NMNAT1: variants seen among roughly 807,000 people sequenced by gnomAD.
The protein encoded by NMNAT1 is nicotinamide nucleotide adenylyltransferase 1.
In NMNAT1, 11 loss-of-function variants were observed where a neutral mutation model predicts 16.7. The observed-to-expected ratio is 0.66, with a 90% CI of 0.41 to 1.09. NMNAT1 has a LOEUF of 1.09. NMNAT1 is among the 50% of genes least tolerant of loss of function. The pLI is 0.00. For synonymous variants in NMNAT1, 110 were observed against 119.8 expected, an observed-to-expected ratio of 0.92 and a Z score of 0.53; for missense variants, 280 against 332.3, an observed-to-expected ratio of 0.84 and a Z score of 1.22.
At chr1:9,987,314 G>A (rs539014879), downstream of NMNAT1, among the ~76,000 whole-genome samples, 46 of 152,208 alleles carry the variant, frequency 3.0e-4, no homozygotes, top group Non-Finnish European at 5.4e-4. Flanking sequence ...GAGCAACAGA[G>A]TGAGACCCTG....
the NMNAT1 span, among the ~76,000 whole-genome samples, chr1:9,992,904 T>G: frequency 6.6e-6 from 1 of 151,328 alleles, no homozygotes; most frequent in African/African-American, 2.4e-5. Flanking sequence ...AAAGCGAGAC[T>G]TGGTCTCAAA....
intron 1 of NMNAT1, among the ~76,000 whole-genome samples, chr1:9,955,403 CAAAAAAAAAAA>C: frequency 1.1e-5 from 1 of 90,814 alleles, no homozygotes; most frequent in South Asian, 4.0e-4. Flanking sequence ...GACTTTGTCT[CAAAAAAAAAAA>C]AAAAAAAAGA....
chr1:9,953,737 G>A (rs1353766883), intron 1 of NMNAT1, among the ~76,000 whole-genome samples: 2 of 149,374 alleles, frequency 1.3e-5, no homozygotes, highest in Non-Finnish European at 3.0e-5. Flanking sequence ...CACCACACCC[G>A]GCCCTATTTT....
At chr1:9,989,968 G>A (rs140343494), downstream of NMNAT1, among the ~76,000 whole-genome samples, 14 of 152,276 alleles carry the variant, frequency 9.2e-5, no homozygotes, top group East Asian at 1.9e-3. Flanking sequence ...TCCTGCACCC[G>A]CTCACCTGCA....
rs1189454605 is a variant in NMNAT1, at chr1:9,982,532, C to T, written c.671C>T (p.Thr224Ile). 8 of 1,614,030 alleles carry T rather than the reference C, an allele frequency of 5.0e-6. No individual in the cohort carries two copies. ...TGGATCGCTAATGACATCTCATCCA[C>T]AAAAATCCGGAGAGCCCTCAGAAGG... ...NEWIANDISS[T>I]KIRRALRRGQ... is the part of the protein sequence containing the mutation. The change falls in exon 5 of 5, where the codon ACA (threonine) becomes ATA (isoleucine). Residue 224 changes from threonine to isoleucine, a missense_variant. Thr to Ile is a moderately conservative substitution (Grantham distance 89, BLOSUM62 -1). Transcript: ENST00000377205.
intron 1 of NMNAT1, among the ~76,000 whole-genome samples, chr1:9,943,891 A>G (rs919981525): frequency 3.3e-5 from 5 of 152,100 alleles, no homozygotes; most frequent in African/African-American, 1.2e-4. Context: ...GACTACATCT[A>G]CTTTGCTGGA....
chr1:9,971,858 T>C (rs1019528916), intron 1 of NMNAT1, among the ~76,000 whole-genome samples, 160 bp from the exon 2 acceptor site: 2 of 152,040 alleles, frequency 1.3e-5, no homozygotes, highest in Non-Finnish European at 1.5e-5. Context: ...TGTTCCCAGC[T>C]ACTTGAGAGG....
At chr1:9,947,288 G>A (rs1382506994) in intron 1 of NMNAT1, 1 of 152,072 alleles carries the variant, frequency 6.6e-6, no homozygotes, top group Non-Finnish European at 1.5e-5. Flanking sequence ...CCTAGACTTA[G>A]GTGATCCTCC....
chr1:9,967,241 A>G (rs1252952221), intron 1 of NMNAT1: 4 of 152,444 alleles, frequency 2.6e-5, no homozygotes, highest in African/African-American at 9.7e-5. Flanking sequence ...CCCCGCAAAA[A>G]AAAAATTATT....
intron 1 of NMNAT1, among the ~76,000 whole-genome samples, chr1:9,961,954 G>C (rs923374504): frequency 3.9e-5 from 6 of 151,914 alleles, no homozygotes; most frequent in African/African-American, 1.4e-4. Flanking sequence ...TTTTAGTAGA[G>C]ACGGGGTTTC....
At chr1:9,962,563 C>A (rs1641442891) in intron 1 of NMNAT1, among the ~76,000 whole-genome samples, 1 of 151,574 alleles carries the variant, frequency 6.6e-6, no homozygotes, top group East Asian at 1.9e-4. Flanking sequence ...TGTTTATCCT[C>A]AGAATTAATC....
At chr1:9,975,377 C>T (rs1570708381) in intron 2 of NMNAT1, among the ~76,000 whole-genome samples, 1 of 151,986 alleles carries the variant, frequency 6.6e-6, no homozygotes, top group Non-Finnish European at 1.5e-5. Context: ...GGCATGCGCC[C>T]GTAATCCCAG....
intron 3 of NMNAT1, among the ~76,000 whole-genome samples, chr1:9,980,464 CA>C (rs70998337): frequency 0.96 from 143,684 of 149,034 alleles, 69,482 homozygotes; most frequent in East Asian, 1. Context: ...ACTAAAAATA[CA>C]AAAAAAAATT....
chr1:9,989,760 C>T (rs1036820816), downstream of NMNAT1, among the ~76,000 whole-genome samples: 1 of 152,202 alleles, frequency 6.6e-6, no homozygotes, highest in African/African-American at 2.4e-5. Flanking sequence ...AACTTGGGTA[C>T]CACAAGTGCG....
At chr1:9,988,036 C>T (rs967204470), downstream of NMNAT1, among the ~76,000 whole-genome samples, 1 of 151,974 alleles carries the variant, frequency 6.6e-6, no homozygotes, top group Admixed American at 6.6e-5. Context: ...CTTGTTCTGT[C>T]ACCCAGGCTG....
At chr1:9,972,335 C>A in intron 2 of NMNAT1, 147 bp downstream of exon 2, 2 of 577,328 alleles carry the variant, frequency 3.5e-6, no homozygotes, top group East Asian at 2.8e-5. Flanking sequence ...ATGGTAAAAC[C>A]CTGTCTCTAC....
intron 1 of NMNAT1, among the ~76,000 whole-genome samples, chr1:9,953,321 G>C (rs1302004913): frequency 6.7e-6 from 1 of 149,176 alleles, no homozygotes; most frequent in African/African-American, 2.5e-5. Context: ...TCTGTTGCCA[G>C]GCTGGAGTAC....
chr1:9,977,204 G>C (rs1641835549), intron 3 of NMNAT1, among the ~76,000 whole-genome samples: 1 of 152,106 alleles, frequency 6.6e-6, no homozygotes, highest in South Asian at 2.1e-4. Context: ...CACCGCACCT[G>C]GCTGACACCT....
chr1:9,958,714 A>C lies in NMNAT1; in HGVS notation c.-56-13304A>C, dbSNP rs1177939608. ...CTGTCTCCCAAAGTACTGGGATTAG[A>C]GGTGTGAGCCACTGCTCCCAGCCTG... On this transcript the variant is annotated intron_variant, in intron 1 of 4. Coordinates refer to ENST00000377205, the MANE Select transcript of NMNAT1 (RefSeq NM_022787.4). Among the ~76,000 whole-genome samples the C allele has an allele frequency of 3.3e-5, 5 of 152,116 alleles. No homozygotes were observed. The East Asian group carries it at 9.6e-4, about 29-fold the overall frequency.
Sources: allele counts gnomAD v4.1 joint callset (sites outside exome capture counted in the v4.1 genomes callset), GRCh38; gene constraint gnomAD v4.1.1; transcripts MANE v1.5; gene names NCBI Gene and HGNC (gene_info 2026-07-23, HGNC 2026-07-21).